Variants in CLEC20A observed in about 807,000 individuals in gnomAD.
CLEC20A encodes putative C-type lectin domain family 20 member A.
chr1:178,498,112 G>A (rs1239610578), upstream of CLEC20A, among the ~76,000 whole-genome samples: 1 of 152,110 alleles, frequency 6.6e-6, no homozygotes, highest in Non-Finnish European at 1.5e-5. Context: ...TCAGAGAAGT[G>A]AAACAGCATG....
At chr1:178,498,543 T>C (rs1342607509), upstream of CLEC20A, among the ~76,000 whole-genome samples, 6 of 152,160 alleles carry the variant, frequency 3.9e-5, no homozygotes, top group South Asian at 2.1e-4. Context: ...TGAGTTGTGA[T>C]TGTACCACTG....
intron 3 of CLEC20A, among the ~76,000 whole-genome samples, chr1:178,491,757 A>C (rs1205533082): frequency 3.9e-5 from 6 of 152,350 alleles, no homozygotes; most frequent in African/African-American, 1.4e-4. Context: ...TCCATATCAG[A>C]TAGGAAGAAA....
chr1:178,493,579 C>G (rs550471064), intron 2 of CLEC20A: 27 of 152,670 alleles, frequency 1.8e-4, no homozygotes, highest in African/African-American at 6.3e-4. Context: ...CCCGGTGGAG[C>G]ACAAGGAGGG....
At chr1:178,481,100 G>T (rs1210241661) in intron 7 of CLEC20A, 1 of 152,106 alleles carries the variant, frequency 6.6e-6, no homozygotes, top group African/African-American at 2.4e-5. Flanking sequence ...TCCACTCCTG[G>T]CAAGCATGCA....
At chr1:178,491,579 A>G (rs1008570113) in intron 3 of CLEC20A, among the ~76,000 whole-genome samples, 8 of 152,158 alleles carry the variant, frequency 5.3e-5, no homozygotes, top group Admixed American at 3.3e-4. Context: ...CAGATGAGGA[A>G]AAGGAGGCTC....
chr1:178,486,135 T>C (rs532316233), intron 5 of CLEC20A, among the ~76,000 whole-genome samples: 1 of 152,258 alleles, frequency 6.6e-6, no homozygotes, highest in African/African-American at 2.4e-5. Flanking sequence ...GGATTATTTC[T>C]CCCCCAGATC....
At chr1:178,496,948 A>ACTGGCTGGGCGATGGCTGGGTG, upstream of CLEC20A, 1 of 400,126 alleles carries the variant, frequency 2.5e-6, no homozygotes, top group Non-Finnish European at 4.4e-6. Context: ...ATGGCTGGGC[A>ACTGGCTGGGCGATGGCTGGGTG]CTGGCTGGGC....
intron 5 of CLEC20A, among the ~76,000 whole-genome samples, chr1:178,484,835 G>T (rs184082734): frequency 3.3e-5 from 5 of 152,090 alleles, no homozygotes; most frequent in Admixed American, 6.5e-5. Context: ...AAATCAATTC[G>T]CTGTCATGTC....
chr1:178,495,048 A>G (rs1247240621), intron 1 of CLEC20A, among the ~76,000 whole-genome samples: 6 of 151,970 alleles, frequency 3.9e-5, no homozygotes, highest in African/African-American at 9.7e-5. Context: ...CTATTCTCCC[A>G]TTCCCTCATC....
At chr1:178,497,294 G>A (rs1047727324), upstream of CLEC20A, 5 of 262,662 alleles carry the variant, frequency 1.9e-5, no homozygotes, top group Non-Finnish European at 3.5e-5. Flanking sequence ...CCCAAGGCCA[G>A]CCGTAGGAAC....
intron 2 of CLEC20A, among the ~76,000 whole-genome samples, chr1:178,493,301 C>T (rs1309549336): frequency 6.6e-6 from 1 of 152,188 alleles, no homozygotes; most frequent in Non-Finnish European, 1.5e-5. Flanking sequence ...GCATTTAAAT[C>T]TAGGCAGCCA....
chr1:178,488,699 T>C (rs987826371), intron 4 of CLEC20A, 100 bp from the exon 5 acceptor site: 6 of 397,912 alleles, frequency 1.5e-5, no homozygotes, highest in Non-Finnish European at 2.2e-5. Flanking sequence ...TTGCCCATCA[T>C]GGTAGCCAAA....
chr1:178,492,808 GAGA>G (rs1181914237), intron 2 of CLEC20A, among the ~76,000 whole-genome samples: 1 of 152,230 alleles, frequency 6.6e-6, no homozygotes, highest in Non-Finnish European at 1.5e-5. Context: ...AAGAGAATAT[GAGA>G]AGGAGCAAAT....
At chr1:178,479,851 A>T (rs2102992430) in intron 7 of CLEC20A, 1 of 307,388 alleles carries the variant, frequency 3.3e-6, no homozygotes, top group South Asian at 1.6e-4. Context: ...ACAGATGACT[A>T]AATCAGTGGT....
chr1:178,499,553 T>G (rs528187787), upstream of CLEC20A: 3 of 152,382 alleles, frequency 2.0e-5, no homozygotes, highest in African/African-American at 7.2e-5. Flanking sequence ...CCGTGCTCGA[T>G]GCTTCCTGCC....
chr1:178,482,091 AAC>A (rs1491352719), intron 7 of CLEC20A: 46 of 363,184 alleles, frequency 1.3e-4, no homozygotes, highest in African/African-American at 7.8e-4. Context: ...ACAAAAAAAC[AAC>A]AAAAAAAAAA....
intron 7 of CLEC20A, chr1:178,481,407 C>T (rs1305099889): frequency 6.6e-6 from 1 of 152,046 alleles, no homozygotes. Flanking sequence ...CCAATGTTTC[C>T]TTGTCTGTAA....
intron 5 of CLEC20A, among the ~76,000 whole-genome samples, chr1:178,485,268 GCTCAC>G (rs554606162): frequency 6.6e-6 from 1 of 152,212 alleles, no homozygotes; most frequent in East Asian, 1.9e-4. Flanking sequence ...TGAGCATTTT[GCTCAC>G]CTGCTGTAAA....
intron 5 of CLEC20A, 135 bp from the exon 6 acceptor site, chr1:178,483,417 C>T: frequency 2.5e-6 from 1 of 393,726 alleles, no homozygotes; most frequent in Non-Finnish European, 4.5e-6. Flanking sequence ...CAGAAGCCAG[C>T]GATGTGGGAA....
Sources: gnomAD v4.1 joint callset for allele counts (sites outside exome capture counted in the v4.1 genomes callset) on GRCh38, gnomAD v4.1.1 for gene constraint, MANE v1.5 for transcripts, NCBI Gene and HGNC (gene_info 2026-07-23, HGNC 2026-07-21) for gene names.